Variants in MTG1 observed in about 807,000 individuals in gnomAD.
MTG1 encodes mitochondrial ribosome-associated GTPase 1.
In MTG1, 30 loss-of-function variants were observed where a neutral mutation model predicts 39.5. The observed-to-expected ratio is 0.76, with a 90% CI of 0.57 to 1.03. The LOEUF (loss-of-function observed/expected upper bound fraction) is 1.03. MTG1 is among the 50% of genes least tolerant of loss of function. The probability of loss-of-function intolerance (pLI) is 0.00; values close to 1 mark genes in which losing one functional copy is unlikely to be tolerated. For synonymous variants in MTG1, 217 were observed against 179.0 expected, an observed-to-expected ratio of 1.21 and a Z score of -1.69; for missense variants, 513 against 447.4, an observed-to-expected ratio of 1.15 and a Z score of -1.32.
In MTG1 at chr10:133,416,680, T is replaced by G. The variant is rs1435029789; in HGVS notation, c.753-2800T>G. On this transcript the variant is annotated intron_variant, in intron 9 of 10. Transcript: ENST00000317502. ...TTGGTTTTTTGTTCTTGCGATAGTT[T>G]ACTGAGAATGATGATTTCCAATTTC... Among the ~76,000 whole-genome samples the G allele has an allele frequency of 3.4e-5, 5 of 147,334 alleles. No individual in the cohort carries two copies. In the East Asian group the frequency reaches 1.0e-3, roughly 30 times the overall value.
At chr10:133,401,964 A>G (rs558844373) in intron 7 of MTG1, 185 bp from the exon 8 acceptor site, 3 of 637,828 alleles carry the variant, frequency 4.7e-6, no homozygotes, top group Admixed American at 5.8e-5. Flanking sequence ...TTATTCTCCA[A>G]ATTAAGTGGG....
Position 133,402,043 on chromosome 10 carries a change from C to A in MTG1, c.574-106C>A. 1 of 1,367,316 alleles carries A rather than the reference C, an allele frequency of 7.3e-7. No homozygotes were observed. Among genetic ancestry groups the A allele is most frequent in the South Asian group, 1.2e-5 (1 of 84,414 alleles). 84.7% of individuals were successfully genotyped at this position (1,367,316 alleles called of 1,614,324 possible). On this transcript the variant is annotated intron_variant, in intron 7 of 10. Coordinates refer to ENST00000317502, the MANE Select transcript of MTG1 (RefSeq NM_138384.4). This position sits in a 1 kb window ranked among gnomAD's most constrained non-coding sequence, Gnocchi z 4.7. ...CTGCCATGGGGTTGGGTCCCTGAGG[C>A]CTTCCTCGGAGCATTGGGTGCCAGG...
At chr10:133,414,430 G>A (rs553556687) in intron 9 of MTG1, among the ~76,000 whole-genome samples, 6 of 152,224 alleles carry the variant, frequency 3.9e-5, no homozygotes, top group South Asian at 2.1e-4. Context: ...GAGCTGTTGG[G>A]TACAACTCCC....
chr10:133,407,863 C>T (rs946953086), intron 9 of MTG1, among the ~76,000 whole-genome samples: 3 of 152,190 alleles, frequency 2.0e-5, no homozygotes, highest in Admixed American at 2.0e-4. Context: ...AGCCACCGTG[C>T]CTGGCCTGAT....
intron 9 of MTG1, among the ~76,000 whole-genome samples, chr10:133,410,580 C>T (rs193269631): frequency 1.3e-5 from 2 of 152,288 alleles, no homozygotes; most frequent in East Asian, 3.9e-4. Context: ...TACCATCAGG[C>T]TTACAAAAAG....
At position 133,402,836 on chromosome 10, in the gene MTG1, A is replaced by AC. The variant is rs1849905904; in HGVS notation, c.752+63_752+64insC. ...TCCTAGTCACCTCATTTAAAAAAAA[A>AC]AAACAAACAAAAAAACCCCCAGCAT... On this transcript the variant is annotated intron_variant, in intron 9 of 10. Coordinates refer to ENST00000317502, the MANE Select transcript of MTG1 (RefSeq NM_138384.4). The surrounding 1 kb of genome is among the most constrained non-coding windows in gnomAD (Gnocchi z 4.7). 1.2e-5 allele frequency: 15 copies of AC among 1,248,044 alleles called. No individual in the cohort carries two copies. Among genetic ancestry groups the AC allele is most frequent in the African/African-American group, 9.2e-5 (6 of 65,464 alleles). The allele number at this position is 1,248,044 out of a possible 1,614,324, so 77.3% of individuals were successfully genotyped here.
chr10:133,396,829 G>T (rs1365708920), intron 3 of MTG1, among the ~76,000 whole-genome samples: 1 of 152,222 alleles, frequency 6.6e-6, no homozygotes, highest in East Asian at 1.9e-4. Flanking sequence ...CTTCTGTTAT[G>T]CCCAGACAGG....
chr10:133,402,553 G>T lies in MTG1; in HGVS notation c.671-139G>T. 1 of 815,184 alleles carries T rather than the reference G, an allele frequency of 1.2e-6. No homozygotes were observed. The highest frequency in any genetic ancestry group is 2.0e-6 in the Non-Finnish European group (1 of 511,032). The allele number at this position is 815,184 out of a possible 1,614,324, so 50.5% of individuals were successfully genotyped here. On this transcript the variant is annotated intron_variant, in intron 8 of 10. Coordinates refer to ENST00000317502, the MANE Select transcript of MTG1 (RefSeq NM_138384.4). The surrounding 1 kb of genome is among the most constrained non-coding windows in gnomAD (Gnocchi z 4.7). ...GACCACAGCCGAGTGCCGTCCTCTT[G>T]GTTAGTGTCTTTGTCAGTGGCTGGC...
chr10:133,404,240 C>G (rs1849934929), intron 9 of MTG1, among the ~76,000 whole-genome samples: 1 of 151,450 alleles, frequency 6.6e-6, no homozygotes, highest in Non-Finnish European at 1.5e-5. Context: ...GATCCTCCCA[C>G]TTCAGCCTCC....
intron 9 of MTG1, among the ~76,000 whole-genome samples, chr10:133,415,938 CA>C (rs1850120004): frequency 6.9e-6 from 1 of 144,264 alleles, no homozygotes; most frequent in African/African-American, 2.5e-5. Context: ...ACGTGGGTAT[CA>C]GGCACGCAGT....
chr10:133,400,109 G>A (rs924656629), intron 6 of MTG1, among the ~76,000 whole-genome samples: 5 of 152,046 alleles, frequency 3.3e-5, no homozygotes, highest in African/African-American at 9.7e-5. Context: ...GGAGAATGGC[G>A]TGAACCCGGG....
chr10:133,415,798 C>A (rs1343955539), intron 9 of MTG1, among the ~76,000 whole-genome samples: 2 of 152,142 alleles, frequency 1.3e-5, no homozygotes, highest in Admixed American at 6.5e-5. Context: ...GGTGTTTTTT[C>A]TGTCCCTCTA....
intron 9 of MTG1, among the ~76,000 whole-genome samples, chr10:133,415,000 C>T (rs1256928498): frequency 6.6e-6 from 1 of 152,212 alleles, no homozygotes; most frequent in Non-Finnish European, 1.5e-5. Context: ...CCCATCTCCA[C>T]CAAAAAAATA....
At chr10:133,418,570 G>C (rs1243456636) in intron 9 of MTG1, among the ~76,000 whole-genome samples, 1 of 152,088 alleles carries the variant, frequency 6.6e-6, no homozygotes, top group Non-Finnish European at 1.5e-5. Context: ...CGAGAAGTTA[G>C]ATTTAGAACC....
rs542792017 is a variant in MTG1, at chr10:133,409,278, T to C, written c.752+6505T>C. On this transcript the variant is annotated intron_variant, in intron 9 of 10. Coordinates refer to ENST00000317502, the MANE Select transcript of MTG1 (RefSeq NM_138384.4). ...TTGAAGAAATTTAAAATTTTTCTTA[T>C]TAATTTCTTTATTAACCCATTGATC... is the stretch of plus-strand genomic sequence containing the variant. 5.3e-5 allele frequency among the ~76,000 whole-genome samples: 8 copies of C among 152,364 alleles called. No homozygotes were observed. In the East Asian group the frequency reaches 1.3e-3, roughly 26 times the overall value.
At chr10:133,401,032 G>A (rs1849867090) in intron 6 of MTG1, among the ~76,000 whole-genome samples, 1 of 152,242 alleles carries the variant, frequency 6.6e-6, no homozygotes, top group Non-Finnish European at 1.5e-5. Context: ...TTTGTCCACA[G>A]TGGAGTGGCC....
chr10:133,400,781 G>T (rs534891201), intron 6 of MTG1, among the ~76,000 whole-genome samples: 1 of 152,226 alleles, frequency 6.6e-6, no homozygotes, highest in East Asian at 1.9e-4. Context: ...TACACCCCTC[G>T]TTCCACTTTC....
chr10:133,414,854 A>T (rs1247272172), intron 9 of MTG1, among the ~76,000 whole-genome samples: 3 of 152,324 alleles, frequency 2.0e-5, no homozygotes, highest in Admixed American at 6.5e-5. Flanking sequence ...AGATCACACC[A>T]CTGCACTCCA....
chr10:133,394,871 C>T, intron 1 of MTG1: 2 of 424,478 alleles, frequency 4.7e-6, no homozygotes, highest in Non-Finnish European at 6.3e-6. Context: ...GTTGTGATGG[C>T]CACTCCTGCG....
Sources: gnomAD v4.1 joint callset for allele counts (sites outside exome capture counted in the v4.1 genomes callset) on GRCh38, gnomAD v4.1.1 for gene constraint, Gnocchi (gnomAD v3.1) non-coding constraint, MANE v1.5 for transcripts, NCBI Gene and HGNC (gene_info 2026-07-23, HGNC 2026-07-21) for gene names.